The following BACE2 variants were observed in gnomAD, a reference collection of about 807,000 sequenced individuals.
The protein encoded by BACE2 is beta-secretase 2.
In BACE2, 17 loss-of-function variants were observed where a neutral mutation model predicts 46.2. The ratio of observed to expected loss-of-function variants is 0.37; its 90% CI spans 0.25 to 0.55. BACE2 has a LOEUF of 0.55. BACE2 is among the 20% of genes least tolerant of loss of function. The pLI, the probability that BACE2 is intolerant of heterozygous loss-of-function variation, is 0.82. For missense variants in BACE2, 595 were observed against 698.1 expected (o/e 0.85, Z 1.66); for synonymous variants, 277 against 295.9 (o/e 0.94, Z 0.66).
chr21:41,266,951 TG>T (rs2088382344), intron 8 of BACE2, among the ~76,000 whole-genome samples: 2 of 17,164 alleles, frequency 1.2e-4, no homozygotes, highest in African/African-American at 2.4e-4. Flanking sequence ...AGTGTTTGTG[TG>T]TGTGTGTGTG....
At chr21:41,260,117 G>A (rs1246003729) in intron 8 of BACE2, among the ~76,000 whole-genome samples, 2 of 150,654 alleles carry the variant, frequency 1.3e-5, no homozygotes, top group Admixed American at 6.6e-5. Context: ...AGGTTTACAA[G>A]CATATGCCAC....
intron 2 of BACE2, among the ~76,000 whole-genome samples, chr21:41,237,015 C>T (rs1042377922): frequency 6.6e-6 from 1 of 152,220 alleles, no homozygotes; most frequent in Non-Finnish European, 1.5e-5. Flanking sequence ...TTGGGGGAAG[C>T]TGTCACTTTG....
At position 41,275,781 on chromosome 21, in the gene BACE2, G is replaced by A; in HGVS notation, c.*157G>A. ...ATGCCTTCTAGATTCACTGTCTTTT[G>A]ATTCTTGATTTTCAAGCTTTCAAAT... On this transcript the variant is annotated 3_prime_UTR_variant, in exon 9 of 9. Coordinates refer to ENST00000330333, the MANE Select transcript of BACE2 (RefSeq NM_012105.5). 1.2e-6 allele frequency: 1 copy of A among 857,134 alleles called. No homozygotes were observed. The highest frequency in any genetic ancestry group is 1.7e-6 in the Non-Finnish European group (1 of 577,386). 53.1% of individuals were successfully genotyped at this position (857,134 alleles called of 1,614,324 possible).
intron 1 of BACE2, among the ~76,000 whole-genome samples, chr21:41,187,113 TGGA>T (rs1004783268): frequency 6.6e-6 from 1 of 152,058 alleles, no homozygotes; most frequent in African/African-American, 2.4e-5. Context: ...GTGTGTGTCA[TGGA>T]GGAGGTTATA....
At chr21:41,183,856 T>C (rs1280899872) in intron 1 of BACE2, 1 of 167,026 alleles carries the variant, frequency 6.0e-6, no homozygotes, top group African/African-American at 2.4e-5. Context: ...GGGGCCCTTT[T>C]GCGTATAGTA....
In BACE2 at chr21:41,193,258, C is replaced by A. The variant is rs1985634885; in HGVS notation, c.312+24683C>A. Among the ~76,000 whole-genome samples the A allele has an allele frequency of 1.3e-5, 2 of 152,144 alleles. No homozygotes were observed. The highest frequency in any genetic ancestry group is 1.3e-4 in the Admixed American group (2 of 15,274). On this transcript the variant is annotated intron_variant, in intron 1 of 8. Transcript: ENST00000330333. This position sits in a 1 kb window ranked among gnomAD's most constrained non-coding sequence, Gnocchi z 4.2. ...CGGAAGGCAAATTGCTTCTGGTGGGCCTTATGGACAGGAATGGGGAAAAAG... is the reference window on the plus strand; with the variant it reads ...CGGAAGGCAAATTGCTTCTGGTGGGACTTATGGACAGGAATGGGGAAAAAG...
chr21:41,185,467 G>A (rs765889321), intron 1 of BACE2, among the ~76,000 whole-genome samples: 1 of 152,210 alleles, frequency 6.6e-6, no homozygotes, highest in Non-Finnish European at 1.5e-5. Context: ...CAGGAGCCTG[G>A]GAGCTCCCAA....
At chr21:41,263,050 C>G (rs1359535084) in intron 8 of BACE2, among the ~76,000 whole-genome samples, 1 of 151,662 alleles carries the variant, frequency 6.6e-6, no homozygotes, top group Non-Finnish European at 1.5e-5. Context: ...TGTCTTTTTT[C>G]TTACTTTAAA....
At chr21:41,216,952 G>C (rs552352878) in intron 1 of BACE2, among the ~76,000 whole-genome samples, 1 of 152,196 alleles carries the variant, frequency 6.6e-6, no homozygotes, top group South Asian at 2.1e-4. Flanking sequence ...TTTTCTCTGA[G>C]ATGGAGTCTC....
intron 1 of BACE2, chr21:41,179,307 G>A: frequency 7.6e-7 from 1 of 1,311,218 alleles, no homozygotes; most frequent in Non-Finnish European, 1.0e-6. Context: ...GAGGGTGTCA[G>A]GGTGAGTGAG....
rs1034963580 is a variant in BACE2 at position 41,281,251 on chromosome 21, AT to A, written c.*5633del. ...TCACACATAGCCATCTGAGTAAAAT[AT>A]TTTTTCCAATGTAGATTTATAATTA... On this transcript the variant is annotated 3_prime_UTR_variant, in exon 9 of 9. Coordinates refer to ENST00000330333, the MANE Select transcript of BACE2 (RefSeq NM_012105.5). The A allele has an allele frequency of 3.9e-5, 6 of 152,136 alleles. No homozygotes were observed. Among genetic ancestry groups the A allele is most frequent in the Non-Finnish European group, 8.8e-5 (6 of 68,024 alleles). 9.4% of individuals were successfully genotyped at this position (152,136 alleles called of 1,614,324 possible). A position where few individuals can be genotyped will look rare whatever the true frequency, so the allele number is the denominator to read the frequency against.
Position 41,281,791 on chromosome 21 carries a change from T to C in BACE2, c.*6167T>C, listed in dbSNP as rs1286374545. ...ATTTTGTGTTCTTTGTTGCTAGTGGTATAAAACGAGATTTTTTTCCCTCAT... is the reference window on the plus strand; with the variant it reads ...ATTTTGTGTTCTTTGTTGCTAGTGGCATAAAACGAGATTTTTTTCCCTCAT... On this transcript the variant is annotated 3_prime_UTR_variant, in exon 9 of 9. Coordinates refer to ENST00000330333, the MANE Select transcript of BACE2 (RefSeq NM_012105.5). 1.3e-5 allele frequency: 2 copies of C among 152,356 alleles called. No homozygotes were observed. The highest frequency in any genetic ancestry group is 3.4e-3 in the Middle Eastern group (1 of 294). 9.4% of individuals were successfully genotyped at this position (152,356 alleles called of 1,614,324 possible).
intron 5 of BACE2, among the ~76,000 whole-genome samples, chr21:41,244,387 G>T (rs1230662805): frequency 6.6e-6 from 1 of 152,088 alleles, no homozygotes; most frequent in East Asian, 1.9e-4. Context: ...GACAGGGGTG[G>T]GTCCACTTTA....
At chr21:41,262,199 T>G (rs1248697571) in intron 8 of BACE2, among the ~76,000 whole-genome samples, 2 of 152,228 alleles carry the variant, frequency 1.3e-5, no homozygotes, top group Non-Finnish European at 2.9e-5. Context: ...TGTATCATAT[T>G]CAGTTTTATC....
At chr21:41,265,469 GA>G (rs1988045056) in intron 8 of BACE2, among the ~76,000 whole-genome samples, 1 of 151,950 alleles carries the variant, frequency 6.6e-6, no homozygotes, top group South Asian at 2.1e-4. Flanking sequence ...TTGTAATGTA[GA>G]TGATAACCTA....
chr21:41,190,346 T>C (rs146104989), intron 1 of BACE2, among the ~76,000 whole-genome samples: 3,857 of 152,292 alleles, frequency 0.025, 155 homozygotes, highest in African/African-American at 0.087. Context: ...CCAAATACTA[T>C]TACATAAAGT....
Position 41,282,198 on chromosome 21 carries a change from T to G in BACE2, c.*6574T>G, listed in dbSNP as rs1483599922. On this transcript the variant is annotated 3_prime_UTR_variant, in exon 9 of 9. Transcript: ENST00000330333. ...GTTTTCTGTTTATCTCAGATTAACA[T>G]CCTTTAATACAAGTTTCTTAAGTGT... The G allele has an allele frequency of 3.9e-5, 6 of 152,334 alleles. No individual in the cohort carries two copies. Among genetic ancestry groups the G allele is most frequent in the Non-Finnish European group, 8.8e-5 (6 of 68,032 alleles). The allele number at this position is 152,334 out of a possible 1,614,324, so 9.4% of individuals were successfully genotyped here.
At chr21:41,186,826 C>T (rs1985394046) in intron 1 of BACE2, 1 of 152,256 alleles carries the variant, frequency 6.6e-6, no homozygotes, top group Non-Finnish European at 1.5e-5. Context: ...TTATACCTAC[C>T]TTTAACTATA....
At chr21:41,241,994 G>A (rs1987307531) in intron 4 of BACE2, 47 bp downstream of exon 4, 2 of 1,605,964 alleles carry the variant, frequency 1.2e-6, no homozygotes, top group Admixed American at 1.7e-5. Flanking sequence ...CAGATGGATG[G>A]GCTGTTTTTT....
Sources: gnomAD v4.1 joint callset for allele counts (sites outside exome capture counted in the v4.1 genomes callset) on GRCh38, gnomAD v4.1.1 for gene constraint, Gnocchi (gnomAD v3.1) non-coding constraint, MANE v1.5 for transcripts, NCBI Gene and HGNC (gene_info 2026-07-23, HGNC 2026-07-21) for gene names.